The following NRIP1 variants were observed in gnomAD, a reference collection of about 807,000 sequenced individuals.
NRIP1 encodes the protein nuclear receptor interacting protein 1.
In NRIP1, 28 loss-of-function variants were observed where a neutral mutation model predicts 75.0. That is an observed-to-expected ratio of 0.37 (90% CI 0.28 to 0.51). NRIP1 has a LOEUF of 0.51. Ranked by LOEUF, NRIP1 falls within the 20% of genes least tolerant of loss-of-function variation. NRIP1 has a pLI of 0.92. For synonymous variants in NRIP1, 526 were observed against 487.6 expected, an observed-to-expected ratio of 1.08 and a Z score of -1.04; for missense variants, 1,435 against 1,343.7, an observed-to-expected ratio of 1.07 and a Z score of -1.06.
intron 3 of NRIP1, among the ~76,000 whole-genome samples, chr21:15,013,049 A>G (rs1042660862): frequency 1.3e-5 from 2 of 152,180 alleles, no homozygotes; most frequent in African/African-American, 4.8e-5. Flanking sequence ...CTGTTTCATC[A>G]AATATAAAAG....
At chr21:14,970,048 A>C (rs1052163085) in intron 3 of NRIP1, among the ~76,000 whole-genome samples, 1 of 152,218 alleles carries the variant, frequency 6.6e-6, no homozygotes, top group Non-Finnish European at 1.5e-5. Context: ...TTTACTAATA[A>C]AACCCTGACT....
At chr21:15,021,947 T>C (rs1311184938) in intron 2 of NRIP1, among the ~76,000 whole-genome samples, 2 of 151,542 alleles carry the variant, frequency 1.3e-5, no homozygotes, top group African/African-American at 4.9e-5. Flanking sequence ...CTGGTGGGAG[T>C]GTAAATTAGT....
rs2086643368 is a variant in NRIP1 at position 14,963,511 on chromosome 21, T to C, written c.*1205A>G. 1 of 152,558 alleles carries C rather than the reference T, an allele frequency of 6.6e-6. No homozygotes were observed. Among genetic ancestry groups the C allele is most frequent in the South Asian group, 2.1e-4 (1 of 4,834 alleles). 9.5% of individuals were successfully genotyped at this position (152,558 alleles called of 1,614,324 possible). On this transcript the variant is annotated 3_prime_UTR_variant, in exon 4 of 4. Coordinates refer to ENST00000318948, the MANE Select transcript of NRIP1 (RefSeq NM_003489.4). ...TAACGGTAATATATGAACTACAATA[T>C]TGCAAATTTTGAGCTGATGTGTGAC...
At chr21:14,978,770 T>G (rs574003410) in intron 3 of NRIP1, among the ~76,000 whole-genome samples, 124 of 152,304 alleles carry the variant, frequency 8.1e-4, no homozygotes, top group Non-Finnish European at 1.3e-3. Context: ...GCCTCTATAG[T>G]TAATCTTAAA....
intron 2 of NRIP1, among the ~76,000 whole-genome samples, chr21:15,035,171 G>A (rs1272745173): frequency 6.6e-6 from 1 of 152,094 alleles, no homozygotes; most frequent in Non-Finnish European, 1.5e-5. Context: ...GACAGTAGCT[G>A]CTCTTAATGC....
In NRIP1 at chr21:14,966,485, G is replaced by T. The variant is rs775271199; in HGVS notation, c.1708C>A (p.Gln570Lys). ...SKAGSPINLS[Q>K]HSLVIKWNSP... is the part of the protein sequence containing the mutation. ...TTCCATTTGATGACCAGAGAGTGTT[G>T]AGAGAGATTGATGGGAGACCCTGCT... Residue 570 changes from glutamine to lysine, a missense_variant, in exon 4 of 4, where the codon CAA (glutamine) becomes AAA (lysine). By Grantham distance (53) the Gln-to-Lys change is moderately conservative. Transcript: ENST00000318948. 6.2e-7 allele frequency: 1 copy of T among 1,614,098 alleles called. No individual in the cohort carries two copies. The highest frequency in any genetic ancestry group is 8.5e-7 in the Non-Finnish European group (1 of 1,179,982).
intron 3 of NRIP1, chr21:14,988,090 G>C (rs1197657479): frequency 6.6e-6 from 1 of 152,170 alleles, no homozygotes; most frequent in Non-Finnish European, 1.5e-5. Context: ...AGGCCACAAA[G>C]CATTGTGGTG....
At position 14,995,933 on chromosome 21, in the gene NRIP1, T is replaced by C. The variant is rs185356548; in HGVS notation, c.-335+18411A>G. ...AGAATAAAGTCTGAATTCCTTTCTA[T>C]GGTTTGGAAGGCTCTGCATCAACTG... On this transcript the variant is annotated intron_variant, in intron 3 of 3. Coordinates refer to ENST00000318948, the MANE Select transcript of NRIP1 (RefSeq NM_003489.4). Among the ~76,000 whole-genome samples, 150 of 152,310 alleles carry C rather than the reference T, an allele frequency of 9.8e-4. 1 individual carries two copies. The highest frequency in any genetic ancestry group is 3.4e-3 in the African/African-American group (141 of 41,568).
intron 1 of NRIP1, among the ~76,000 whole-genome samples, chr21:15,045,409 CTA>C (rs2089049535): frequency 6.6e-6 from 1 of 152,174 alleles, no homozygotes; most frequent in South Asian, 2.1e-4. Flanking sequence ...TTACACTGTA[CTA>C]TAGTCTATTA....
At chr21:14,988,517 G>GTGTGTA (rs1555883084) in intron 3 of NRIP1, among the ~76,000 whole-genome samples, 1 of 142,380 alleles carries the variant, frequency 7.0e-6, no homozygotes, top group African/African-American at 2.5e-5. Context: ...GTGTGTGTGT[G>GTGTGTA]TATATATATA....
chr21:14,967,808 C>G lies in NRIP1; in HGVS notation c.385G>C (p.Asp129His). 2.5e-6 allele frequency: 4 copies of G among 1,614,004 alleles called. No homozygotes were observed. Among genetic ancestry groups the G allele is most frequent in the Non-Finnish European group, 3.4e-6 (4 of 1,179,998 alleles). The change falls in exon 4 of 4, where the codon GAT becomes CAT. Residue 129 changes from aspartate (D) to histidine (H), a missense_variant. By Grantham distance (81) the Asp-to-His change is moderately conservative. Transcript: ENST00000318948. ...MVDSVPKGKQ[D>H]STLLASLLQS... ...AGCAAAGAGGCCAGTAATGTGCTAT[C>G]CTGTTTGCCTTTAGGCACACTGTCA...
chr21:15,021,056 C>T (rs1169087734), intron 2 of NRIP1, among the ~76,000 whole-genome samples: 1 of 152,038 alleles, frequency 6.6e-6, no homozygotes, highest in Non-Finnish European at 1.5e-5. Flanking sequence ...ACTAATTGTA[C>T]ACTGGAGTAC....
rs961026153 is a variant in NRIP1 at position 14,966,619 on chromosome 21, T to G, written c.1574A>C (p.Asp525Ala). The stretch of plus-strand genomic sequence containing the variant: ...ATTTTGTGTATTGAACTTGCTCACA[T>G]CATTGTGTACTCCCTGAGGGCTGGT... ...KNTSPQGVHN[D>A]VSKFNTQNYA... Residue 525 changes from aspartate (D) to alanine (A), a missense_variant, in exon 4 of 4, where the codon GAT becomes GCT. Transcript: ENST00000318948. 4.3e-6 allele frequency: 7 copies of G among 1,614,170 alleles called. No homozygotes were observed. Among genetic ancestry groups the G allele is most frequent in the Non-Finnish European group, 5.9e-6 (7 of 1,180,012 alleles).
At chr21:15,035,494 A>G (rs1394172312) in intron 2 of NRIP1, among the ~76,000 whole-genome samples, 1 of 152,122 alleles carries the variant, frequency 6.6e-6, no homozygotes, top group East Asian at 1.9e-4. Context: ...ATACTAATAA[A>G]AGGTTTAAAA....
At chr21:15,042,807 T>A (rs1409106678) in intron 2 of NRIP1, among the ~76,000 whole-genome samples, 2 of 152,176 alleles carry the variant, frequency 1.3e-5, no homozygotes, top group African/African-American at 4.8e-5. Flanking sequence ...TTACAGCAGC[T>A]CAAATGGACT....
upstream of NRIP1, chr21:15,065,789 C>G (rs749986291): frequency 6.6e-6 from 1 of 152,400 alleles, no homozygotes; most frequent in African/African-American, 2.4e-5. Flanking sequence ...TAATCCTCGG[C>G]TGCTTTGTCA....
intron 3 of NRIP1, among the ~76,000 whole-genome samples, chr21:14,986,560 C>G (rs1223434481): frequency 6.6e-6 from 1 of 152,168 alleles, no homozygotes; most frequent in Non-Finnish European, 1.5e-5. Context: ...GCTAAAAAGT[C>G]ATGTGGGTCC....
At chr21:15,010,173 C>T (rs925997917) in intron 3 of NRIP1, among the ~76,000 whole-genome samples, 8 of 152,076 alleles carry the variant, frequency 5.3e-5, no homozygotes, top group Non-Finnish European at 7.3e-5. Flanking sequence ...TAAGCTCTGA[C>T]GTTAGAATCA....
intron 2 of NRIP1, among the ~76,000 whole-genome samples, chr21:15,030,709 G>T (rs2088623946): frequency 6.6e-6 from 1 of 152,252 alleles, no homozygotes; most frequent in Non-Finnish European, 1.5e-5. Flanking sequence ...AAACATGGAA[G>T]GAGGGAGAGA....
Sources: gnomAD v4.1 joint callset for allele counts (sites outside exome capture counted in the v4.1 genomes callset) on GRCh38, gnomAD v4.1.1 for gene constraint, MANE v1.5 for transcripts, NCBI Gene and HGNC (gene_info 2026-07-23, HGNC 2026-07-21) for gene names.